Variants in TBCK observed in about 807,000 individuals in gnomAD.
The protein encoded by TBCK is TBC1 domain containing kinase, also known as TBC domain-containing protein kinase-like protein.
In TBCK, 99 loss-of-function variants were observed where a neutral mutation model predicts 113.4. The observed-to-expected ratio is 0.87, with a 90% confidence interval of 0.74 to 1.03. The LOEUF is 1.03. Among genes scored for constraint, TBCK ranks in the 50% least tolerant of loss-of-function variants. TBCK has a pLI of 0.00. For missense variants in TBCK, 1,045 were observed against 1,061.3 expected, an observed-to-expected ratio of 0.98 and a Z score of 0.21; for synonymous variants, 369 against 370.8, an observed-to-expected ratio of 1.00 and a Z score of 0.05.
intron 6 of TBCK, 112 bp from the exon 7 acceptor site, chr4:106,250,590 C>A (rs1360774922): frequency 8.7e-6 from 5 of 573,786 alleles, no homozygotes; most frequent in African/African-American, 1.9e-5. Context: ...TTATTTATCT[C>A]CAAAAGTTTT....
intron 25 of TBCK, among the ~76,000 whole-genome samples, chr4:106,090,407 G>T (rs544510596): frequency 1.3e-5 from 2 of 152,282 alleles, no homozygotes; most frequent in African/African-American, 4.8e-5. Context: ...GATGACAAGG[G>T]CTGTCCCTAA....
chr4:106,160,863 C>T (rs1221473181), intron 23 of TBCK, among the ~76,000 whole-genome samples: 1 of 151,748 alleles, frequency 6.6e-6, no homozygotes, highest in African/African-American at 2.4e-5. Flanking sequence ...TGGGAGTAAC[C>T]CAAGTGTCTA....
chr4:106,176,171 T>A (rs1391699473), intron 22 of TBCK, among the ~76,000 whole-genome samples: 1 of 152,162 alleles, frequency 6.6e-6, no homozygotes. Flanking sequence ...TATTTTCTTA[T>A]GTTGGGAACA....
At chr4:106,281,834 A>G (rs374894134) in intron 3 of TBCK, among the ~76,000 whole-genome samples, 5 of 152,066 alleles carry the variant, frequency 3.3e-5, no homozygotes, top group Non-Finnish European at 5.9e-5. Context: ...TTTTGCATCA[A>G]TGATTTTCAG....
intron 19 of TBCK, among the ~76,000 whole-genome samples, chr4:106,215,105 C>T (rs2149906004): frequency 6.6e-6 from 1 of 150,820 alleles, no homozygotes; most frequent in South Asian, 2.2e-4. Context: ...ATTTCATATC[C>T]AGCCAAACTA....
At chr4:106,299,092 A>C (rs898633821) in intron 2 of TBCK, among the ~76,000 whole-genome samples, 1 of 152,230 alleles carries the variant, frequency 6.6e-6, no homozygotes, top group Non-Finnish European at 1.5e-5. Context: ...ACACAGGTGC[A>C]TCACAGTAGT....
intron 20 of TBCK, among the ~76,000 whole-genome samples, chr4:106,203,231 G>A (rs886628366): frequency 6.6e-6 from 1 of 151,274 alleles, no homozygotes; most frequent in African/African-American, 2.4e-5. Flanking sequence ...TCAGGCTCAT[G>A]TATGACAGCT....
intron 23 of TBCK, among the ~76,000 whole-genome samples, chr4:106,139,761 G>A (rs1746977567): frequency 7.1e-6 from 1 of 140,828 alleles, no homozygotes; most frequent in South Asian, 2.4e-4. Flanking sequence ...AATTTGAATG[G>A]TTCCTTTCTA....
At chr4:106,195,281 T>C (rs554720504) in intron 20 of TBCK, among the ~76,000 whole-genome samples, 45 of 152,226 alleles carry the variant, frequency 3.0e-4, no homozygotes, top group African/African-American at 1.0e-3. Flanking sequence ...TAGATGACTC[T>C]TTTGGCAAAG....
chr4:106,289,692 C>T (rs1419496204), intron 3 of TBCK, among the ~76,000 whole-genome samples: 2 of 149,984 alleles, frequency 1.3e-5, no homozygotes, highest in African/African-American at 2.5e-5. Flanking sequence ...CACTTGAACC[C>T]GGGAGGCAGA....
chr4:106,260,284 T>G (rs1762381923), intron 5 of TBCK, among the ~76,000 whole-genome samples, 153 bp downstream of exon 5: 1 of 151,916 alleles, frequency 6.6e-6, no homozygotes, highest in South Asian at 2.1e-4. Flanking sequence ...TGTCTACTCA[T>G]TTTAAAAGTA....
At chr4:106,249,541 G>A (rs777936077) in intron 7 of TBCK, among the ~76,000 whole-genome samples, 11 of 152,072 alleles carry the variant, frequency 7.2e-5, no homozygotes, top group Non-Finnish European at 1.3e-4. Context: ...TGTAAACAGC[G>A]CTTTTTAAGA....
chr4:106,267,757 T>C (rs1018091151), intron 3 of TBCK, among the ~76,000 whole-genome samples: 3 of 151,986 alleles, frequency 2.0e-5, no homozygotes, highest in Non-Finnish European at 2.9e-5. Context: ...ATCTATTAGG[T>C]TGGTATAATC....
intron 25 of TBCK, among the ~76,000 whole-genome samples, chr4:106,055,066 A>G (rs1735230968): frequency 6.6e-6 from 1 of 151,746 alleles, no homozygotes; most frequent in East Asian, 1.9e-4. Context: ...CATGATAGAC[A>G]ATATCCTCAC....
chr4:106,122,181 G>A (rs1030628524), intron 23 of TBCK, among the ~76,000 whole-genome samples: 4 of 151,436 alleles, frequency 2.6e-5, no homozygotes, highest in African/African-American at 9.7e-5. Flanking sequence ...AATAAAAAAT[G>A]ATAAAGGGGA....
At chr4:106,183,068 T>G (rs746366693) in intron 22 of TBCK, among the ~76,000 whole-genome samples, 11 of 151,994 alleles carry the variant, frequency 7.2e-5, no homozygotes, top group East Asian at 1.9e-4. Flanking sequence ...TCTCAGGACT[T>G]TGTCATATAA....
chr4:106,197,409 G>GTATATATATA (rs750387268), intron 20 of TBCK, among the ~76,000 whole-genome samples: 16 of 77,052 alleles, frequency 2.1e-4, no homozygotes, highest in South Asian at 5.1e-4. Context: ...GTGTGTGTGT[G>GTATATATATA]TGTATATATA....
chr4:106,117,879 G>A (rs1461870945), intron 23 of TBCK, among the ~76,000 whole-genome samples: 1 of 151,866 alleles, frequency 6.6e-6, no homozygotes, highest in Non-Finnish European at 1.5e-5. Context: ...CGTGGCAGTG[G>A]GCGCCTGTAG....
intron 14 of TBCK, 82 bp from the exon 15 acceptor site, chr4:106,235,449 G>A: frequency 2.4e-6 from 2 of 823,128 alleles, no homozygotes; most frequent in Non-Finnish European, 3.6e-6. Context: ...ATATACCCAT[G>A]ATAAAACTTA....
Sources: allele counts gnomAD v4.1 joint callset (sites outside exome capture counted in the v4.1 genomes callset), GRCh38; gene constraint gnomAD v4.1.1; transcripts MANE v1.5; gene names NCBI Gene and HGNC (gene_info 2026-07-23, HGNC 2026-07-21).